Variants in B3GALT1 observed in about 807,000 individuals in gnomAD.
B3GALT1 encodes the protein UDP-Gal:betaGlcNAc beta 1,3-galactosyltransferase, polypeptide 1.
In B3GALT1, 10 loss-of-function variants were observed where a neutral mutation model predicts 23.2. The observed-to-expected ratio is 0.43, with a 90% CI of 0.27 to 0.73. B3GALT1 has a LOEUF of 0.73. B3GALT1 is among the 30% of genes least tolerant of loss of function. The pLI, the probability that B3GALT1 is intolerant of heterozygous loss-of-function variation, is 0.21. For missense variants in B3GALT1, 299 were observed against 405.4 expected, an observed-to-expected ratio of 0.74 and a Z score of 2.25; for synonymous variants, 156 against 141.5, an observed-to-expected ratio of 1.10 and a Z score of -0.73.
intron 3 of B3GALT1, among the ~76,000 whole-genome samples, chr2:167,699,219 A>G (rs1263358850): frequency 2.0e-5 from 3 of 152,032 alleles, no homozygotes; most frequent in Non-Finnish European, 4.4e-5. Flanking sequence ...GTATTAAAAT[A>G]ATAATTGATT....
At chr2:167,631,557 T>C (rs1215146690) in intron 2 of B3GALT1, 1 of 151,700 alleles carries the variant, frequency 6.6e-6, no homozygotes, top group Non-Finnish European at 1.5e-5. Context: ...GATTTAAAAA[T>C]TTTTTTTACT....
chr2:167,408,812 A>C (rs1698351105), intron 1 of B3GALT1, among the ~76,000 whole-genome samples: 2 of 148,650 alleles, frequency 1.3e-5, no homozygotes, highest in African/African-American at 2.5e-5. Context: ...AAAAAAAAAA[A>C]ACAAAAGACA....
In B3GALT1 at chr2:167,483,516, G is replaced by C. The variant is rs917213694; in HGVS notation, c.-510-6661G>C. On this transcript the variant is annotated intron_variant, in intron 1 of 4. Coordinates refer to ENST00000392690, the MANE Select transcript of B3GALT1 (RefSeq NM_020981.4). ...TTATTAACAAGGAAACCAGTAAAAT[G>C]TTAACTGGTTTAATATAGAATTCAA... Among the ~76,000 whole-genome samples the C allele has an allele frequency of 2.0e-5, 3 of 152,134 alleles. No homozygotes were observed. In the South Asian group the frequency reaches 6.2e-4, roughly 32 times the overall value.
At chr2:167,834,433 G>A (rs1341692430) in intron 4 of B3GALT1, among the ~76,000 whole-genome samples, 1 of 152,164 alleles carries the variant, frequency 6.6e-6, no homozygotes, top group Non-Finnish European at 1.5e-5. Flanking sequence ...GTCCTGGCTT[G>A]TCCGTCCTTG....
chr2:167,862,715 C>T (rs1690127768), intron 4 of B3GALT1: 1 of 152,242 alleles, frequency 6.6e-6, no homozygotes, highest in South Asian at 2.1e-4. Flanking sequence ...TAGGCCTTAC[C>T]TCTGGCTGTA....
intron 2 of B3GALT1, among the ~76,000 whole-genome samples, chr2:167,627,440 T>G (rs1685367356): frequency 6.6e-6 from 1 of 151,710 alleles, no homozygotes; most frequent in South Asian, 2.1e-4. Flanking sequence ...ACTTTTTGAG[T>G]CTGGCATATT....
chr2:167,588,827 TTC>T (rs2105413724), intron 2 of B3GALT1, among the ~76,000 whole-genome samples: 1 of 135,666 alleles, frequency 7.4e-6, no homozygotes, highest in African/African-American at 3.2e-5. Context: ...TTTTCCTTCC[TTC>T]CTTCCTTCCT....
At chr2:167,417,879 G>T (rs1193021664) in intron 1 of B3GALT1, among the ~76,000 whole-genome samples, 1 of 152,174 alleles carries the variant, frequency 6.6e-6, no homozygotes, top group Admixed American at 6.5e-5. Flanking sequence ...AGCAGATCTT[G>T]ATCTGGTAAG....
intron 1 of B3GALT1, among the ~76,000 whole-genome samples, chr2:167,315,551 A>G (rs1451597159): frequency 6.6e-6 from 1 of 152,196 alleles, no homozygotes; most frequent in East Asian, 1.9e-4. Context: ...CTGTCTGGAA[A>G]ATGGAAGTAG....
chr2:167,387,236 A>G (rs1232156103), intron 1 of B3GALT1, among the ~76,000 whole-genome samples: 2 of 152,236 alleles, frequency 1.3e-5, no homozygotes, highest in Non-Finnish European at 2.9e-5. Context: ...CTGCTAGAAT[A>G]AATAGAAAAA....
chr2:167,629,987 CTA>C (rs3062686), intron 2 of B3GALT1, among the ~76,000 whole-genome samples: 11,021 of 151,658 alleles, frequency 0.073, 674 homozygotes, highest in African/African-American at 0.16. Flanking sequence ...TTTTCCAACT[CTA>C]AATGTTATGA....
At chr2:167,366,740 A>C (rs1013956402) in intron 1 of B3GALT1, among the ~76,000 whole-genome samples, 1 of 152,170 alleles carries the variant, frequency 6.6e-6, no homozygotes, top group Non-Finnish European at 1.5e-5. Context: ...GAGCTGGAGG[A>C]TCCACTCATA....
At chr2:167,680,469 G>A (rs1686508859) in intron 3 of B3GALT1, among the ~76,000 whole-genome samples, 1 of 95,316 alleles carries the variant, frequency 1.0e-5, no homozygotes, top group Non-Finnish European at 2.6e-5. Flanking sequence ...TCTCCTGGTG[G>A]TTTGCATGAC....
At chr2:167,714,035 G>C (rs1687104626) in intron 3 of B3GALT1, 2 of 1,540,256 alleles carry the variant, frequency 1.3e-6, no homozygotes, top group Non-Finnish European at 1.8e-6. Context: ...AGGGAGAGAT[G>C]AATCAGGCAC....
At chr2:167,675,045 G>C (rs1686399781) in intron 3 of B3GALT1, among the ~76,000 whole-genome samples, 2 of 152,190 alleles carry the variant, frequency 1.3e-5, no homozygotes, top group African/African-American at 2.4e-5. Context: ...TCTTGCCCAG[G>C]ACTGTGGTCT....
In B3GALT1 at chr2:167,810,026, T is replaced by C. The variant is rs182749225; in HGVS notation, c.-351-8646T>C. Among the ~76,000 whole-genome samples the C allele has an allele frequency of 2.4e-3, 368 of 152,274 alleles. 3 individuals are homozygous for C. The highest frequency in any genetic ancestry group is 8.4e-3 in the African/African-American group (347 of 41,534). On this transcript the variant is annotated intron_variant, in intron 3 of 4. Coordinates refer to ENST00000392690, the MANE Select transcript of B3GALT1 (RefSeq NM_020981.4). ...GCCTCGCTGCCACCTTGCAGTTTGA[T>C]CTCAGACTGCTGTGCTAGCAATGAG... is the stretch of plus-strand genomic sequence containing the variant.
At chr2:167,445,101 T>A (rs1698959101) in intron 1 of B3GALT1, among the ~76,000 whole-genome samples, 1 of 152,250 alleles carries the variant, frequency 6.6e-6, no homozygotes, top group Non-Finnish European at 1.5e-5. Context: ...TATCTTTATT[T>A]GTGCTTTCAT....
intron 1 of B3GALT1, among the ~76,000 whole-genome samples, chr2:167,469,994 A>AT (rs910181167): frequency 2.0e-5 from 3 of 151,932 alleles, no homozygotes; most frequent in Non-Finnish European, 4.4e-5. Context: ...TGGAATCGTA[A>AT]TTTTTTTTCT....
At chr2:167,736,495 A>G (rs936684770) in intron 3 of B3GALT1, among the ~76,000 whole-genome samples, 11 of 152,194 alleles carry the variant, frequency 7.2e-5, no homozygotes, top group African/African-American at 2.7e-4. Context: ...CAGCATATCC[A>G]GTAACTCTAT....
Sources: allele counts gnomAD v4.1 joint callset (sites outside exome capture counted in the v4.1 genomes callset), GRCh38; gene constraint gnomAD v4.1.1; transcripts MANE v1.5; gene names NCBI Gene and HGNC (gene_info 2026-07-23, HGNC 2026-07-21).